CEP112: variants seen among roughly 807,000 people sequenced by gnomAD.
CEP112 encodes centrosomal protein of 112 kDa.
In CEP112, 127 loss-of-function variants were observed where a neutral mutation model predicts 153.0. The ratio of observed to expected loss-of-function variants is 0.83; its 90% CI spans 0.72 to 0.96. CEP112 has a LOEUF of 0.96. CEP112 is among the 40% of genes least tolerant of loss of function. CEP112 has a pLI of 0.00. For missense variants in CEP112, 1,089 were observed against 1,101.2 expected (o/e 0.99, Z 0.16); for synonymous variants, 358 against 374.4 (o/e 0.96, Z 0.51).
chr17:66,097,037 C>A (rs146091961), intron 6 of CEP112, among the ~76,000 whole-genome samples: 4 of 152,128 alleles, frequency 2.6e-5, no homozygotes, highest in Non-Finnish European at 4.4e-5. Flanking sequence ...TTCTTACAGT[C>A]GCAATTTAAT....
At chr17:65,642,399 G>A (rs916226717) in intron 24 of CEP112, among the ~76,000 whole-genome samples, 2 of 152,102 alleles carry the variant, frequency 1.3e-5, no homozygotes, top group Non-Finnish European at 2.9e-5. Context: ...CTTTAAGACC[G>A]AACTTTTCTT....
intron 21 of CEP112, among the ~76,000 whole-genome samples, chr17:65,810,862 C>T (rs1005723625): frequency 1.3e-5 from 2 of 152,068 alleles, no homozygotes; most frequent in Admixed American, 6.6e-5. Flanking sequence ...AGGAAGAAAT[C>T]CATCTACCCT....
chr17:65,747,467 T>A (rs2051541869), intron 22 of CEP112, among the ~76,000 whole-genome samples: 1 of 152,230 alleles, frequency 6.6e-6, no homozygotes, highest in Admixed American at 6.5e-5. Context: ...ATGGACATTC[T>A]GGCAAAATGG....
intron 24 of CEP112, chr17:65,688,871 A>T (rs183020098): frequency 7.2e-4 from 219 of 303,934 alleles, no homozygotes; most frequent in Non-Finnish European, 1.0e-3. Context: ...GGGTTCAAGT[A>T]ATTCCCCTGC....
chr17:66,144,877 A>G (rs1206780481), intron 4 of CEP112, among the ~76,000 whole-genome samples: 1 of 152,148 alleles, frequency 6.6e-6, no homozygotes, highest in African/African-American at 2.4e-5. Context: ...ATTTCTCTTT[A>G]CCAAGTATCT....
At chr17:65,744,882 A>G (rs2051351963) in intron 22 of CEP112, among the ~76,000 whole-genome samples, 5 of 152,242 alleles carry the variant, frequency 3.3e-5, no homozygotes, top group Admixed American at 3.3e-4. Context: ...TAAAAGAAAC[A>G]ACATTAGACC....
At chr17:65,853,966 A>C (rs539426459) in intron 20 of CEP112, among the ~76,000 whole-genome samples, 1 of 152,296 alleles carries the variant, frequency 6.6e-6, no homozygotes, top group South Asian at 2.1e-4. Flanking sequence ...AGAAATGTCT[A>C]TGCTGTATTT....
chr17:66,030,525 G>A (rs967585735), intron 12 of CEP112, among the ~76,000 whole-genome samples: 1 of 152,160 alleles, frequency 6.6e-6, no homozygotes, highest in African/African-American at 2.4e-5. Context: ...TTATTTTTAA[G>A]TGTATAGGAA....
Position 65,938,432 on chromosome 17 carries a change from AG to A in CEP112, c.1873-10744del, listed in dbSNP as rs1488401378. On this transcript the variant is annotated intron_variant, in intron 18 of 26. Transcript: ENST00000535342. ...TGATCAATAAAAAAAAAAAAAAAAA[AG>A]AAAGAAAAAAAAATACCATAACATA... 1.4e-3 allele frequency among the ~76,000 whole-genome samples: 185 copies of A among 130,320 alleles called. 12 individuals carry two copies. The highest frequency in any genetic ancestry group is 3.2e-3 in the East Asian group (15 of 4,700). 85.5% of individuals were successfully genotyped at this position (130,320 alleles called of 152,430 possible). A position where few individuals can be genotyped will look rare whatever the true frequency, so the allele number is the denominator to read the frequency against.
intron 6 of CEP112, among the ~76,000 whole-genome samples, chr17:66,126,362 A>G (rs2069849825): frequency 6.6e-6 from 1 of 152,196 alleles, no homozygotes; most frequent in Non-Finnish European, 1.5e-5. Flanking sequence ...CATAATTTTT[A>G]AAGTTTTTTT....
Position 65,782,249 on chromosome 17 carries a change from C to T in CEP112, c.2395-31525G>A, listed in dbSNP as rs933510197. On this transcript the variant is annotated intron_variant, in intron 21 of 26. Transcript: ENST00000535342. ...GCCAACAAACATATGAAAAAAAATG[C>T]CCCATATTACTAATCAGAGAAATCC... is the stretch of plus-strand genomic sequence containing the variant. Among the ~76,000 whole-genome samples the T allele has an allele frequency of 2.0e-4, 30 of 151,996 alleles. 2 individuals carry two copies. The East Asian group carries it at 5.8e-3, about 29-fold the overall frequency.
chr17:65,915,281 T>C (rs776859342), intron 19 of CEP112, among the ~76,000 whole-genome samples: 8 of 152,170 alleles, frequency 5.3e-5, no homozygotes, highest in Non-Finnish European at 1.0e-4. Flanking sequence ...ACTCTTTACC[T>C]TACATTCTAT....
At position 65,857,948 on chromosome 17, in the gene CEP112, C is replaced by T. The variant is rs372097392; in HGVS notation, c.2164-5914G>A. ...TGGTTATAGGATGATTCACATTTTCCGGTCTTTTACAGAGTCAGTTTTGGT... is the reference window on the plus strand; with the variant it reads ...TGGTTATAGGATGATTCACATTTTCTGGTCTTTTACAGAGTCAGTTTTGGT... On this transcript the variant is annotated intron_variant, in intron 20 of 26. Transcript: ENST00000535342. Among the ~76,000 whole-genome samples, 14 of 152,240 alleles carry T rather than the reference C, an allele frequency of 9.2e-5. No homozygotes were observed. The East Asian group carries it at 1.3e-3, about 15-fold the overall frequency.
rs567476678 is a variant in CEP112 at position 66,096,508 on chromosome 17, T to G, written c.690+77A>C. 21 of 1,182,544 alleles carry G rather than the reference T, an allele frequency of 1.8e-5. No individual in the cohort carries two copies. In the South Asian group the frequency reaches 2.8e-4, roughly 16 times the overall value. 73.3% of individuals were successfully genotyped at this position (1,182,544 alleles called of 1,614,324 possible). ...GTTTCCTAATGTAGATCCGCATTAT[T>G]TTCTATAAATAACTTAGTGATTATT... On this transcript the variant is annotated intron_variant, in intron 7 of 26. Transcript: ENST00000535342.
chr17:66,183,055 T>TG (rs1354631806), intron 2 of CEP112, 139 bp downstream of exon 2: 18 of 545,100 alleles, frequency 3.3e-5, no homozygotes, highest in African/African-American at 2.9e-4. Flanking sequence ...CAACTCAGTG[T>TG]AAACAGTCCT....
At chr17:65,708,116 T>C (rs537147009) in intron 23 of CEP112, among the ~76,000 whole-genome samples, 27 of 152,258 alleles carry the variant, frequency 1.8e-4, no homozygotes, top group Admixed American at 1.4e-3. Context: ...GCTTAAGATA[T>C]AGTGTTTCTT....
intron 4 of CEP112, among the ~76,000 whole-genome samples, chr17:66,165,700 A>G (rs1445959738): frequency 6.6e-6 from 1 of 152,200 alleles, no homozygotes; most frequent in Non-Finnish European, 1.5e-5. Context: ...AACTTCTTCA[A>G]CCACAAGTGG....
intron 21 of CEP112, among the ~76,000 whole-genome samples, chr17:65,827,716 T>C (rs761512978): frequency 3.3e-5 from 5 of 152,318 alleles, no homozygotes; most frequent in Non-Finnish European, 5.9e-5. Context: ...TCTAATGTCT[T>C]TTCCAACTCC....
At chr17:66,017,644 G>T (rs935141529) in intron 16 of CEP112, among the ~76,000 whole-genome samples, 4 of 152,106 alleles carry the variant, frequency 2.6e-5, no homozygotes, top group Non-Finnish European at 5.9e-5. Context: ...AAAAGTGAGA[G>T]ATAATTGCAT....
Sources: allele counts gnomAD v4.1 joint callset (sites outside exome capture counted in the v4.1 genomes callset), GRCh38; gene constraint gnomAD v4.1.1; transcripts MANE v1.5; gene names NCBI Gene and HGNC (gene_info 2026-07-23, HGNC 2026-07-21).